Variants in PRKN observed in about 807,000 individuals in gnomAD.
PRKN encodes the protein parkin RBR E3 ubiquitin protein ligase.
In PRKN, 56 loss-of-function variants were observed where a neutral mutation model predicts 59.5. That is an observed-to-expected ratio of 0.94 (90% CI 0.76 to 1.18). PRKN has a LOEUF of 1.18. PRKN is among the 50% of genes most tolerant of loss of function. The probability of loss-of-function intolerance (pLI) is 0.00; values close to 1 mark genes in which losing one functional copy is unlikely to be tolerated. For synonymous variants in PRKN, 250 were observed against 222.1 expected, an observed-to-expected ratio of 1.13 and a Z score of -1.12; for missense variants, 657 against 596.4, an observed-to-expected ratio of 1.10 and a Z score of -1.06.
Position 162,671,954 on chromosome 6 carries a change from G to T in PRKN, c.7+55708C>A, listed in dbSNP as rs141695827. On this transcript the variant is annotated intron_variant, in intron 1 of 11. Coordinates refer to ENST00000366898, the MANE Select transcript of PRKN (RefSeq NM_004562.3). ...GGCAGACACCAGGGCTGCAGACTGTGAGTGCTGGGAGGTGCTGCGGGGAGG... is the reference window on the plus strand; with the variant it reads ...GGCAGACACCAGGGCTGCAGACTGTTAGTGCTGGGAGGTGCTGCGGGGAGG... Among the ~76,000 whole-genome samples the T allele has an allele frequency of 3.9e-4, 60 of 152,118 alleles. No homozygotes were observed. The East Asian group carries it at 0.011, about 29-fold the overall frequency.
chr6:162,457,641 G>A (rs1790942900), intron 1 of PRKN, among the ~76,000 whole-genome samples: 1 of 152,016 alleles, frequency 6.6e-6, no homozygotes. Context: ...CCAAACTTAA[G>A]AGTCAGGCGT....
At chr6:162,606,870 G>A (rs376790158) in intron 1 of PRKN, among the ~76,000 whole-genome samples, 23 of 152,122 alleles carry the variant, frequency 1.5e-4, no homozygotes, top group African/African-American at 4.3e-4. Flanking sequence ...ATGTCATCAC[G>A]GCTGGCTATT....
At chr6:162,154,821 AT>A (rs1364140866) in intron 4 of PRKN, among the ~76,000 whole-genome samples, 2 of 152,060 alleles carry the variant, frequency 1.3e-5, no homozygotes, top group African/African-American at 4.8e-5. Context: ...CATGATTTTT[AT>A]TTTTTATATG....
intron 6 of PRKN, among the ~76,000 whole-genome samples, chr6:161,789,365 C>T (rs1333696275): frequency 6.6e-6 from 1 of 152,170 alleles, no homozygotes; most frequent in East Asian, 1.9e-4. Context: ...AACTGCCCCT[C>T]CCCTACCGTC....
chr6:161,521,033 G>A (rs1016502179), intron 9 of PRKN, among the ~76,000 whole-genome samples: 10 of 152,178 alleles, frequency 6.6e-5, no homozygotes, highest in African/African-American at 9.7e-5. Flanking sequence ...CTCTTCTCCC[G>A]TATGTGAAGA....
Position 162,011,331 on chromosome 6 carries a change from A to ATTATATATTATAATATATATTTATAATAT in PRKN, c.619-37915_619-37914insATATTATAAATATATATTATAATATATAA, listed in dbSNP as rs1301402976. ...TATGATATATTTTTATAATATATAT[A>ATTATATATTATAATATATATTTATAATAT]ATATATTATATATTATAATATATAT... On this transcript the variant is annotated intron_variant, in intron 5 of 11. Coordinates refer to ENST00000366898, the MANE Select transcript of PRKN (RefSeq NM_004562.3). Among the ~76,000 whole-genome samples, 9 of 27,882 alleles carry ATTATATATTATAATATATATTTATAATAT rather than the reference A, an allele frequency of 3.2e-4. 2 individuals are homozygous for ATTATATATTATAATATATATTTATAATAT. Among genetic ancestry groups the ATTATATATTATAATATATATTTATAATAT allele is most frequent in the African/African-American group, 1.5e-3 (9 of 5,926 alleles). 18.3% of individuals were successfully genotyped at this position (27,882 alleles called of 152,430 possible).
At chr6:162,557,370 T>C (rs1779651081) in intron 1 of PRKN, among the ~76,000 whole-genome samples, 1 of 152,114 alleles carries the variant, frequency 6.6e-6, no homozygotes, top group African/African-American at 2.4e-5. Context: ...CCAACACCAT[T>C]CCCCCCAGGG....
intron 6 of PRKN, among the ~76,000 whole-genome samples, chr6:161,806,594 C>T (rs1479822388): frequency 1.3e-5 from 2 of 152,164 alleles, no homozygotes; most frequent in Non-Finnish European, 1.5e-5. Context: ...AGCTCTCCAC[C>T]GAGCTCTGAT....
chr6:162,250,357 T>A (rs1779383763), intron 3 of PRKN, among the ~76,000 whole-genome samples: 1 of 152,138 alleles, frequency 6.6e-6, no homozygotes. Flanking sequence ...GGTAAAGATT[T>A]CCATCCAGTG....
intron 9 of PRKN, among the ~76,000 whole-genome samples, chr6:161,403,909 G>T (rs1787155487): frequency 6.6e-6 from 1 of 152,166 alleles, no homozygotes; most frequent in African/African-American, 2.4e-5. Flanking sequence ...GCTGTGGGAT[G>T]ATCCTGGCCA....
At chr6:162,385,516 T>C (rs1216653694) in intron 2 of PRKN, among the ~76,000 whole-genome samples, 1 of 152,172 alleles carries the variant, frequency 6.6e-6, no homozygotes, top group African/African-American at 2.4e-5. Context: ...CTGAGGAGGA[T>C]AACATCTGTT....
chr6:162,510,131 T>C (rs1481133064), intron 1 of PRKN, among the ~76,000 whole-genome samples: 1 of 152,212 alleles, frequency 6.6e-6, no homozygotes, highest in Non-Finnish European at 1.5e-5. Flanking sequence ...CAGCTTGGAA[T>C]CTGCCAAAAC....
chr6:162,210,660 C>G (rs1785164391), intron 3 of PRKN, among the ~76,000 whole-genome samples: 1 of 151,830 alleles, frequency 6.6e-6, no homozygotes. Flanking sequence ...ATGGAAAGTC[C>G]CAAAATTGAT....
chr6:162,654,942 T>TA (rs200265167), intron 1 of PRKN, among the ~76,000 whole-genome samples: 223 of 150,142 alleles, frequency 1.5e-3, no homozygotes, highest in African/African-American at 4.6e-3. Context: ...ATCATTTACT[T>TA]AAAAAAAAAA....
intron 4 of PRKN, among the ~76,000 whole-genome samples, chr6:162,200,815 G>A (rs891489245): frequency 2.0e-5 from 3 of 152,102 alleles, no homozygotes; most frequent in Admixed American, 1.3e-4. Context: ...GTTCCTAAAT[G>A]GTCCCTTCTA....
At chr6:162,538,106 C>A (rs1012915970) in intron 1 of PRKN, among the ~76,000 whole-genome samples, 1 of 152,268 alleles carries the variant, frequency 6.6e-6, no homozygotes, top group Non-Finnish European at 1.5e-5. Context: ...GTTGGAAATA[C>A]CCAAATACCT....
chr6:162,607,287 T>C (rs541699270), intron 1 of PRKN, among the ~76,000 whole-genome samples: 118 of 152,234 alleles, frequency 7.8e-4, no homozygotes, highest in Non-Finnish European at 1.3e-3. Flanking sequence ...GGAAAACACA[T>C]GGCCAGAAAA....
chr6:161,932,791 A>T (rs1779214499), intron 6 of PRKN, among the ~76,000 whole-genome samples: 1 of 152,214 alleles, frequency 6.6e-6, no homozygotes, highest in Admixed American at 6.5e-5. Flanking sequence ...TACTAGCAGA[A>T]AGAGTGAGAG....
At chr6:161,860,375 T>C (rs1298849665) in intron 6 of PRKN, among the ~76,000 whole-genome samples, 2 of 152,218 alleles carry the variant, frequency 1.3e-5, no homozygotes, top group Admixed American at 6.5e-5. Context: ...CATGCAATTG[T>C]AGAGACTAGG....
Sources: allele counts gnomAD v4.1 joint callset (sites outside exome capture counted in the v4.1 genomes callset), GRCh38; gene constraint gnomAD v4.1.1; transcripts MANE v1.5; gene names NCBI Gene and HGNC (gene_info 2026-07-23, HGNC 2026-07-21).